ELF2: variants seen among roughly 807,000 people sequenced by gnomAD.
ELF2 encodes the protein E74 like ETS transcription factor 2, also known as ETS-related transcription factor Elf-2.
Under a neutral mutation model 54.8 loss-of-function variants are expected in ELF2, and 11 were observed. That is an observed-to-expected ratio of 0.20 (90% CI 0.13 to 0.33). The LOEUF (loss-of-function observed/expected upper bound fraction) is 0.33. Ranked by LOEUF, ELF2 falls within the 10% of genes least tolerant of loss-of-function variation. The probability of loss-of-function intolerance (pLI) is 1.00; values close to 1 mark genes in which losing one functional copy is unlikely to be tolerated. For missense variants in ELF2, 513 were observed against 703.0 expected, an observed-to-expected ratio of 0.73 and a Z score of 3.06; for synonymous variants, 203 against 245.1, an observed-to-expected ratio of 0.83 and a Z score of 1.61.
At chr4:139,092,521 G>T (rs1732781541) in intron 4 of ELF2, among the ~76,000 whole-genome samples, 1 of 151,850 alleles carries the variant, frequency 6.6e-6, no homozygotes, top group Non-Finnish European at 1.5e-5. Flanking sequence ...ACTTTGAGAG[G>T]CGGAGGCGGG....
chr4:139,106,746 T>C (rs1734453181), intron 4 of ELF2, among the ~76,000 whole-genome samples: 1 of 148,190 alleles, frequency 6.7e-6, no homozygotes, highest in Non-Finnish European at 1.5e-5. Flanking sequence ...ATTTCTTTTT[T>C]TTTTTTTTTT....
chr4:139,125,515 G>C (rs1736827972), intron 3 of ELF2, among the ~76,000 whole-genome samples, 186 bp from the exon 4 acceptor site: 1 of 152,108 alleles, frequency 6.6e-6, no homozygotes, highest in African/African-American at 2.4e-5. Context: ...CAAGTCTCAA[G>C]AGGTAAGACA....
chr4:139,101,298 A>C (rs1361658303), intron 4 of ELF2, among the ~76,000 whole-genome samples: 1 of 152,212 alleles, frequency 6.6e-6, no homozygotes, highest in African/African-American at 2.4e-5. Context: ...CACATAAAAA[A>C]AACACAGTGC....
intron 4 of ELF2, among the ~76,000 whole-genome samples, chr4:139,089,395 G>A (rs1732348198): frequency 6.6e-6 from 1 of 152,130 alleles, no homozygotes; most frequent in Non-Finnish European, 1.5e-5. Context: ...CATTTATGCT[G>A]TAAAATTGTT....
chr4:139,100,481 G>A (rs990006697), intron 4 of ELF2: 17 of 152,142 alleles, frequency 1.1e-4, no homozygotes, highest in African/African-American at 4.1e-4. Context: ...TAAGTCAATT[G>A]GGTATCTGCA....
intron 4 of ELF2, among the ~76,000 whole-genome samples, chr4:139,091,611 G>A (rs1412520450): frequency 6.6e-6 from 1 of 152,102 alleles, no homozygotes; most frequent in East Asian, 1.9e-4. Flanking sequence ...AGCCTCCCAA[G>A]TAGCTGGGAC....
rs1560871146 is a variant in ELF2 at position 139,151,035 on chromosome 4, AGAAAGAAAGAAAG to A, written c.-251-11551_-251-11539del. Among the ~76,000 whole-genome samples, 5 of 42,586 alleles carry A rather than the reference AGAAAGAAAGAAAG, an allele frequency of 1.2e-4. 2 individuals carry two copies. Among genetic ancestry groups the A allele is most frequent in the African/African-American group, 2.9e-4 (5 of 17,196 alleles). The allele number at this position is 42,586 out of a possible 152,430, so 27.9% of individuals were successfully genotyped here. ...CGAGGCTCCATCTCAAAAAAAAAAA[AGAAAGAAAGAAAG>A]AAAGAAAGAAAGAAAGAAAGAAAGA... On this transcript the variant is annotated intron_variant, in intron 1 of 9. Transcript: ENST00000686138.
At chr4:139,140,534 C>G (rs1470127509) in intron 1 of ELF2, among the ~76,000 whole-genome samples, 1 of 152,154 alleles carries the variant, frequency 6.6e-6, no homozygotes, top group African/African-American at 2.4e-5. Flanking sequence ...CAGAAGATCA[C>G]TTGAGCCCAG....
At chr4:139,082,923 T>TC (rs1303446167) in intron 4 of ELF2, among the ~76,000 whole-genome samples, 8 of 152,206 alleles carry the variant, frequency 5.3e-5, no homozygotes, top group Non-Finnish European at 7.3e-5. Flanking sequence ...TCCGTGCCCT[T>TC]CCGCTGCAGC....
chr4:139,073,137 T>C (rs1213950894), intron 5 of ELF2, among the ~76,000 whole-genome samples: 1 of 152,138 alleles, frequency 6.6e-6, no homozygotes, highest in Non-Finnish European at 1.5e-5. Context: ...ACTGCTCCCA[T>C]CTATCATACT....
At chr4:139,163,586 T>C (rs1319811762) in intron 1 of ELF2, among the ~76,000 whole-genome samples, 1 of 152,084 alleles carries the variant, frequency 6.6e-6, no homozygotes, top group South Asian at 2.1e-4. Context: ...GATTAAGCTG[T>C]GGAAAGTTTG....
intron 1 of ELF2, among the ~76,000 whole-genome samples, chr4:139,157,103 T>C (rs1740627695): frequency 6.6e-6 from 1 of 152,194 alleles, no homozygotes; most frequent in African/African-American, 2.4e-5. Flanking sequence ...ATAGATGGTG[T>C]AGCCTGCCTA....
intron 6 of ELF2, among the ~76,000 whole-genome samples, chr4:139,068,901 T>TG (rs1306018102): frequency 1.3e-5 from 2 of 151,858 alleles, no homozygotes; most frequent in African/African-American, 4.8e-5. Flanking sequence ...TTTTAAGAGA[T>TG]GGAGTCTCAC....
At chr4:139,083,928 A>C (rs1731565753) in intron 4 of ELF2, among the ~76,000 whole-genome samples, 1 of 152,198 alleles carries the variant, frequency 6.6e-6, no homozygotes, top group Non-Finnish European at 1.5e-5. Context: ...GCCGGATTCG[A>C]GGCAGGTTAC....
At chr4:139,111,677 A>G (rs1385332086) in intron 4 of ELF2, among the ~76,000 whole-genome samples, 3 of 152,166 alleles carry the variant, frequency 2.0e-5, no homozygotes, top group Non-Finnish European at 4.4e-5. Context: ...GTTTATACAA[A>G]TGGGCATGGA....
chr4:139,116,294 TG>T (rs1188683502), intron 4 of ELF2, among the ~76,000 whole-genome samples: 3 of 150,990 alleles, frequency 2.0e-5, no homozygotes, highest in Non-Finnish European at 4.4e-5. Context: ...AATAAATAAT[TG>T]GGGGAAAAAA....
rs116210715 is a variant in ELF2 at position 139,140,547 on chromosome 4, G to A, written c.-251-1050C>T. Among the ~76,000 whole-genome samples the A allele has an allele frequency of 6.9e-3, 1,057 of 152,236 alleles. 15 individuals carry two copies. The highest frequency in any genetic ancestry group is 0.024 in the African/African-American group (1,013 of 41,530). On this transcript the variant is annotated intron_variant, in intron 1 of 9. Transcript: ENST00000686138. ...GGCAGAAGATCACTTGAGCCCAGGA[G>A]CTCCACACCAGCCTGGCCAACATAG...
chr4:139,127,099 G>A (rs1736997510), intron 3 of ELF2, among the ~76,000 whole-genome samples: 1 of 152,110 alleles, frequency 6.6e-6, no homozygotes, highest in African/African-American at 2.4e-5. Flanking sequence ...GATTTTTATT[G>A]ACATTTGGCT....
At chr4:139,106,335 TAGAGA>T (rs144122919) in intron 4 of ELF2, among the ~76,000 whole-genome samples, 2,244 of 152,088 alleles carry the variant, frequency 0.015, 60 homozygotes, top group African/African-American at 0.051. Context: ...TATGGATTAT[TAGAGA>T]AAAGAGAATG....
Sources: allele counts gnomAD v4.1 joint callset (sites outside exome capture counted in the v4.1 genomes callset), GRCh38; gene constraint gnomAD v4.1.1; transcripts MANE v1.5; gene names NCBI Gene and HGNC (gene_info 2026-07-23, HGNC 2026-07-21).